GPC5: variants seen among roughly 807,000 people sequenced by gnomAD.
GPC5 encodes the protein glypican-5.
In GPC5, 47 loss-of-function variants were observed where a neutral mutation model predicts 53.9. The ratio of observed to expected loss-of-function variants is 0.87; its 90% CI spans 0.69 to 1.11. The LOEUF is 1.11. Ranked by LOEUF, GPC5 falls within the 50% of genes most tolerant of loss-of-function variation. GPC5 has a pLI of 0.00. For synonymous variants in GPC5, 286 were observed against 263.3 expected (o/e 1.09, Z -0.84); for missense variants, 748 against 713.1 (o/e 1.05, Z -0.56).
chr13:91,729,647 C>T (rs2036651868), intron 4 of GPC5, among the ~76,000 whole-genome samples: 1 of 152,112 alleles, frequency 6.6e-6, no homozygotes, highest in Non-Finnish European at 1.5e-5. Context: ...CTATTTTCTA[C>T]AGCTAAAAAG....
chr13:92,264,874 CTCTCTGTGTGTGTG>C (rs1346762393), intron 7 of GPC5, among the ~76,000 whole-genome samples: 34 of 116,620 alleles, frequency 2.9e-4, no homozygotes, highest in South Asian at 8.2e-4. Flanking sequence ...CTCTCTCTCT[CTCTCTGTGTGTGTG>C]TGTGTGTGTG....
intron 5 of GPC5, among the ~76,000 whole-genome samples, chr13:91,842,864 C>T (rs1363142498): frequency 6.6e-6 from 1 of 152,026 alleles, no homozygotes; most frequent in Non-Finnish European, 1.5e-5. Flanking sequence ...AATTATCTTT[C>T]AGGATACATT....
At chr13:92,394,721 C>T (rs1875180440) in intron 7 of GPC5, among the ~76,000 whole-genome samples, 1 of 152,056 alleles carries the variant, frequency 6.6e-6, no homozygotes. Flanking sequence ...ATGTTTTAAA[C>T]AAATTAAAAG....
intron 6 of GPC5, among the ~76,000 whole-genome samples, chr13:92,000,222 G>T (rs1566386876): frequency 6.6e-6 from 1 of 151,916 alleles, no homozygotes; most frequent in East Asian, 1.9e-4. Context: ...CCAAAAGAGT[G>T]GTTTCTCCGA....
chr13:91,523,889 T>G (rs4773637), intron 2 of GPC5, among the ~76,000 whole-genome samples: 43 of 152,200 alleles, frequency 2.8e-4, no homozygotes, highest in Admixed American at 2.1e-3. Context: ...TGTTTTGAGT[T>G]CACCTTTAAA....
intron 2 of GPC5, among the ~76,000 whole-genome samples, chr13:91,497,268 A>G (rs1003869468): frequency 1.3e-5 from 2 of 151,986 alleles, no homozygotes. Flanking sequence ...ATTATGTGTC[A>G]GCTATTATAC....
chr13:92,349,289 A>G (rs918395739), intron 7 of GPC5, among the ~76,000 whole-genome samples: 1 of 152,034 alleles, frequency 6.6e-6, no homozygotes, highest in African/African-American at 2.4e-5. Flanking sequence ...GATCACAGGC[A>G]TGCGCCATGA....
chr13:92,493,103 G>A (rs1455147162), intron 7 of GPC5, among the ~76,000 whole-genome samples: 2 of 152,110 alleles, frequency 1.3e-5, no homozygotes, highest in Non-Finnish European at 2.9e-5. Context: ...GACTCAACAG[G>A]TTCATGACAT....
At chr13:92,820,866 T>A (rs1877651274) in intron 7 of GPC5, among the ~76,000 whole-genome samples, 2 of 152,174 alleles carry the variant, frequency 1.3e-5, no homozygotes, top group African/African-American at 2.4e-5. Context: ...ATTACTTTCC[T>A]ATTAATTATC....
chr13:92,791,291 C>G (rs1006524741), intron 7 of GPC5, among the ~76,000 whole-genome samples: 2 of 151,836 alleles, frequency 1.3e-5, no homozygotes, highest in Non-Finnish European at 1.5e-5. Context: ...AAAAATTTAG[C>G]TGGGTCAAGG....
At chr13:92,631,988 C>T (rs1420703788) in intron 7 of GPC5, among the ~76,000 whole-genome samples, 4 of 152,056 alleles carry the variant, frequency 2.6e-5, no homozygotes, top group African/African-American at 9.7e-5. Context: ...ATTTCAGGTC[C>T]CAAGCATTTT....
chr13:91,445,272 T>C (rs1442606045), intron 1 of GPC5, among the ~76,000 whole-genome samples: 1 of 152,174 alleles, frequency 6.6e-6, no homozygotes, highest in Non-Finnish European at 1.5e-5. Context: ...TAAAGGTTAC[T>C]TGAACACATA....
intron 7 of GPC5, among the ~76,000 whole-genome samples, chr13:92,221,844 A>T (rs1251743124): frequency 6.6e-6 from 1 of 151,436 alleles, no homozygotes; most frequent in African/African-American, 2.4e-5. Context: ...TGCTAATAAG[A>T]TATATCTCTT....
intron 7 of GPC5, among the ~76,000 whole-genome samples, chr13:92,362,109 A>G (rs1305772447): frequency 1.3e-5 from 2 of 151,786 alleles, no homozygotes; most frequent in African/African-American, 4.9e-5. Context: ...ACAGATAATT[A>G]AACAATATCT....
intron 5 of GPC5, among the ~76,000 whole-genome samples, chr13:91,757,392 C>T (rs2037318312): frequency 6.6e-6 from 1 of 152,034 alleles, no homozygotes; most frequent in Admixed American, 6.6e-5. Flanking sequence ...GGGTGTTAAG[C>T]TTTCTGACAG....
At chr13:91,438,953 T>G (rs1014360530) in intron 1 of GPC5, among the ~76,000 whole-genome samples, 2 of 152,214 alleles carry the variant, frequency 1.3e-5, no homozygotes, top group African/African-American at 4.8e-5. Context: ...CGTAGGACCC[T>G]CCGAGCCAGG....
At chr13:92,358,842 C>T (rs2043543779) in intron 7 of GPC5, among the ~76,000 whole-genome samples, 1 of 151,784 alleles carries the variant, frequency 6.6e-6, no homozygotes, top group South Asian at 2.1e-4. Flanking sequence ...ATTCTTCCCT[C>T]CTAAGCCTCT....
intron 6 of GPC5, among the ~76,000 whole-genome samples, chr13:92,078,325 G>A (rs2041268977): frequency 6.6e-6 from 1 of 152,170 alleles, no homozygotes; most frequent in South Asian, 2.1e-4. Flanking sequence ...TTTTAAGCAA[G>A]TTGATGCTAC....
At chr13:91,511,577 C>T (rs1885229878) in intron 2 of GPC5, among the ~76,000 whole-genome samples, 2 of 152,114 alleles carry the variant, frequency 1.3e-5, no homozygotes, top group Admixed American at 1.3e-4. Flanking sequence ...TGAGTTTCAG[C>T]GCGGCTGATT....
Sources: allele counts gnomAD v4.1 joint callset (sites outside exome capture counted in the v4.1 genomes callset), GRCh38; gene constraint gnomAD v4.1.1; transcripts MANE v1.5; gene names NCBI Gene and HGNC (gene_info 2026-07-23, HGNC 2026-07-21).